The following RFTN2 variants were observed in gnomAD, a reference collection of about 807,000 sequenced individuals.
RFTN2 encodes the protein raftlin family member 2, also known as raftlin-2.
A neutral mutation model predicts 52.7 loss-of-function variants in RFTN2; 34 were observed. That is an observed-to-expected ratio of 0.64 (90% confidence interval 0.49 to 0.86). The LOEUF is 0.86. RFTN2 is among the 40% of genes least tolerant of loss of function. RFTN2 has a pLI of 0.00. For synonymous variants in RFTN2, 203 were observed against 217.7 expected (o/e 0.93, Z 0.59); for missense variants, 536 against 600.1 (o/e 0.89, Z 1.12).
chr2:197,574,459 T>C (rs2087379198), intron 8 of RFTN2, among the ~76,000 whole-genome samples: 1 of 152,188 alleles, frequency 6.6e-6, no homozygotes. Flanking sequence ...GTACCCCCAT[T>C]GTATCTAGGA....
rs2087324788 is a variant in RFTN2, at chr2:197,571,963, T to C, written c.*45A>G. The C allele has an allele frequency of 6.3e-7, 1 of 1,587,296 alleles. No individual in the cohort carries two copies. The highest frequency in any genetic ancestry group is 8.6e-7 in the Non-Finnish European group (1 of 1,157,672). ...ATACAATAAGGTCAGTTGGCAATGA[T>C]TTTAACAATTATTTACAGGGCCTTC... is the stretch of plus-strand genomic sequence containing the variant. On this transcript the variant is annotated 3_prime_UTR_variant, in exon 9 of 9. Transcript: ENST00000295049.
At chr2:197,638,835 C>T (rs1261401165) in intron 3 of RFTN2, among the ~76,000 whole-genome samples, 26 of 144,046 alleles carry the variant, frequency 1.8e-4, no homozygotes, top group African/African-American at 6.4e-4. Flanking sequence ...TTCCTAGTCT[C>T]GATGGTCTTT....
rs2088461438 is a variant in RFTN2, at chr2:197,631,077, T to A, written c.862A>T (p.Thr288Ser). The A allele has an allele frequency of 3.1e-6, 5 of 1,613,386 alleles. No individual in the cohort carries two copies. Among genetic ancestry groups the A allele is most frequent in the Non-Finnish European group, 4.2e-6 (5 of 1,179,456 alleles). ...AAGCCTTGTTTATAATAAAAGGTAGTTAACTCCAGCCAATCAGCATCAAGT... is the reference window on the plus strand; with the variant it reads ...AAGCCTTGTTTATAATAAAAGGTAGATAACTCCAGCCAATCAGCATCAAGT... ...STLDADWLEL[T>S]TFYYKQGLSL... Residue 288 changes from threonine to serine, a missense_variant, in exon 5 of 9, where the codon ACT (threonine) becomes TCT (serine). Coordinates refer to ENST00000295049, the MANE Select transcript of RFTN2 (RefSeq NM_144629.3).
chr2:197,593,380 A>C (rs1408509878), intron 8 of RFTN2, among the ~76,000 whole-genome samples: 1 of 152,164 alleles, frequency 6.6e-6, no homozygotes, highest in Non-Finnish European at 1.5e-5. Flanking sequence ...GTCTCATAAA[A>C]AAGTAAAACA....
intron 6 of RFTN2, 121 bp from the exon 7 acceptor site, chr2:197,616,100 T>C: frequency 1.7e-6 from 1 of 592,420 alleles, no homozygotes; most frequent in Admixed American, 2.8e-5. Flanking sequence ...GCAGCCTTCC[T>C]GGGCTTCATG....
At chr2:197,653,982 G>T (rs1319636471) in intron 1 of RFTN2, among the ~76,000 whole-genome samples, 1 of 151,946 alleles carries the variant, frequency 6.6e-6, no homozygotes, top group East Asian at 1.9e-4. Flanking sequence ...ATAAAACCAG[G>T]ATCATTTATC....
At chr2:197,675,297 A>C (rs1205456934) in intron 1 of RFTN2, 23 bp downstream of exon 1, 8 of 1,552,480 alleles carry the variant, frequency 5.2e-6, no homozygotes, top group Non-Finnish European at 6.1e-6. Context: ...ACATTTAACA[A>C]ACAAAATAGA....
chr2:197,658,337 C>T (rs954301846), intron 1 of RFTN2, among the ~76,000 whole-genome samples: 2 of 152,108 alleles, frequency 1.3e-5, no homozygotes, highest in Admixed American at 1.3e-4. Context: ...ATGGCGCCAT[C>T]TTGACTCACC....
intron 8 of RFTN2, among the ~76,000 whole-genome samples, chr2:197,577,049 TTTCTC>T (rs2087430840): frequency 6.6e-6 from 1 of 152,216 alleles, no homozygotes; most frequent in African/African-American, 2.4e-5. Flanking sequence ...TGCAGCCACT[TTTCTC>T]TTATCTACCC....
chr2:197,651,867 C>T (rs918571011), intron 1 of RFTN2, among the ~76,000 whole-genome samples: 4 of 152,174 alleles, frequency 2.6e-5, no homozygotes, highest in South Asian at 2.1e-4. Flanking sequence ...TATCCAGCAA[C>T]GTAGGTTGCA....
intron 7 of RFTN2, among the ~76,000 whole-genome samples, chr2:197,603,899 T>G (rs1323192555): frequency 6.6e-6 from 1 of 151,792 alleles, no homozygotes; most frequent in Non-Finnish European, 1.5e-5. Flanking sequence ...TGCACTCCAG[T>G]CTGGGCTACA....
intron 1 of RFTN2, among the ~76,000 whole-genome samples, chr2:197,651,634 A>G (rs948676277): frequency 1.3e-5 from 2 of 152,092 alleles, no homozygotes; most frequent in African/African-American, 4.8e-5. Flanking sequence ...CAAAAACAAA[A>G]ACAACAAAAA....
rs2087325868 is a variant in RFTN2, at chr2:197,572,025, G to A, written c.1489C>T (p.Gln497Ter). The change falls in exon 9 of 9, where the codon CAG becomes TAG. Residue 497 changes from glutamine (Q) to a stop codon, truncating the protein, a stop_gained. Transcript: ENST00000295049. LOFTEE classifies it high-confidence loss of function. ...GQFDQEDGVTQVTCM is the reference protein window; with the variant it reads ...GQFDQEDGVT ...CTCATGGCTCACATACAAGTGACCTGAGTCACTCCATCTTCCTGATCAAAC... is the reference window on the plus strand; with the variant it reads ...CTCATGGCTCACATACAAGTGACCTAAGTCACTCCATCTTCCTGATCAAAC... 4 of 1,614,100 alleles carry A rather than the reference G, an allele frequency of 2.5e-6. No homozygotes were observed. Among genetic ancestry groups the A allele is most frequent in the Non-Finnish European group, 3.4e-6 (4 of 1,179,926 alleles).
At chr2:197,585,424 A>G (rs1559338807) in intron 8 of RFTN2, among the ~76,000 whole-genome samples, 1 of 152,092 alleles carries the variant, frequency 6.6e-6, no homozygotes, top group South Asian at 2.1e-4. Flanking sequence ...GTTTTACCTC[A>G]AACTGCCACT....
chr2:197,661,864 T>C (rs1032406232), intron 1 of RFTN2, among the ~76,000 whole-genome samples: 2 of 152,186 alleles, frequency 1.3e-5, no homozygotes, highest in Admixed American at 1.3e-4. Flanking sequence ...TCAGTGTGGT[T>C]TTTCATTTGC....
intron 8 of RFTN2, among the ~76,000 whole-genome samples, chr2:197,590,024 C>A (rs1473421046): frequency 6.6e-6 from 1 of 151,676 alleles, no homozygotes; most frequent in African/African-American, 2.4e-5. Context: ...CCCCCACCCC[C>A]ACTCCCCCAA....
At chr2:197,612,495 C>G (rs1334080762) in intron 7 of RFTN2, among the ~76,000 whole-genome samples, 1 of 152,318 alleles carries the variant, frequency 6.6e-6, no homozygotes, top group East Asian at 1.9e-4. Context: ...ATATTAGCTG[C>G]TAACTCAGCT....
intron 8 of RFTN2, chr2:197,588,080 T>C (rs2087630581): frequency 2.2e-6 from 1 of 456,908 alleles, no homozygotes; most frequent in Non-Finnish European, 4.5e-6. Context: ...AATAAAAATT[T>C]CATTCAATCA....
At position 197,641,194 on chromosome 2, in the gene RFTN2, A is replaced by T. The variant is rs546459586; in HGVS notation, c.438+2964T>A. Among the ~76,000 whole-genome samples, 11 of 152,360 alleles carry T rather than the reference A, an allele frequency of 7.2e-5. No individual in the cohort carries two copies. In the South Asian group the frequency reaches 2.1e-3, roughly 29 times the overall value. ...GCCAGGAAGAACTGGGGCAGAACAG[A>T]GAGCAATGCCCAGTCAATGGGGGCA... On this transcript the variant is annotated intron_variant, in intron 3 of 8. Transcript: ENST00000295049.
Sources: gnomAD v4.1 joint callset for allele counts (sites outside exome capture counted in the v4.1 genomes callset) on GRCh38, gnomAD v4.1.1 for gene constraint, MANE v1.5 for transcripts, NCBI Gene and HGNC (gene_info 2026-07-23, HGNC 2026-07-21) for gene names.